Variants in GRID2IP observed in about 807,000 individuals in gnomAD.
GRID2IP encodes delphilin.
GRID2IP carries 78 observed loss-of-function variants against 114.3 expected under a neutral mutation model. The observed-to-expected ratio is 0.68, with a 90% CI of 0.57 to 0.82. GRID2IP has a LOEUF of 0.82. Ranked by LOEUF, GRID2IP falls within the 40% of genes least tolerant of loss-of-function variation. GRID2IP has a pLI of 0.00. For missense variants in GRID2IP, 1,727 were observed against 1,678.5 expected, an observed-to-expected ratio of 1.03 and a Z score of -0.51; for synonymous variants, 809 against 724.0, an observed-to-expected ratio of 1.12 and a Z score of -1.89.
chr7:6,518,224 T>C (rs1779348428), intron 7 of GRID2IP, among the ~76,000 whole-genome samples: 1 of 151,974 alleles, frequency 6.6e-6, no homozygotes, highest in Non-Finnish European at 1.5e-5. Context: ...AGTGAGACCC[T>C]GTCTCAGAAA....
At chr7:6,542,883 G>C (rs1172678666) in intron 1 of GRID2IP, among the ~76,000 whole-genome samples, 1 of 152,210 alleles carries the variant, frequency 6.6e-6, no homozygotes, top group East Asian at 1.9e-4. Context: ...GGGTCTGGTT[G>C]TCTCTGGGCA....
At chr7:6,512,664 C>G (rs954718701) in intron 8 of GRID2IP, among the ~76,000 whole-genome samples, 1 of 152,082 alleles carries the variant, frequency 6.6e-6, no homozygotes, top group Non-Finnish European at 1.5e-5. Context: ...CTGCGTACCA[C>G]CACACCTGGC....
chr7:6,531,235 G>GCCCGCAGCCCCGC (rs1014940085), intron 2 of GRID2IP: 14 of 427,622 alleles, frequency 3.3e-5, no homozygotes, highest in Non-Finnish European at 5.8e-5. Flanking sequence ...AGCCGTCCCG[G>GCCCGCAGCCCCGC]CCCGCAGCCC....
intron 2 of GRID2IP, among the ~76,000 whole-genome samples, chr7:6,530,296 C>T (rs1779593221): frequency 6.7e-6 from 1 of 150,198 alleles, no homozygotes; most frequent in African/African-American, 2.5e-5. Context: ...GAGAGAGACT[C>T]TCTGTCGCCC....
intron 20 of GRID2IP, among the ~76,000 whole-genome samples, chr7:6,499,341 C>G (rs1171705239): frequency 6.6e-6 from 1 of 152,182 alleles, no homozygotes; most frequent in African/African-American, 2.4e-5. Context: ...TGCCCATAGT[C>G]CCACAGCAGG....
rs76702541 is a variant in GRID2IP, at chr7:6,507,032, G to T, written c.2544+953C>A. ...TTGGAAAGGGTCCCTGGAGATGTGG[G>T]CTGAGAAAGCAGGAGACAGAATTGG... is the stretch of plus-strand genomic sequence containing the variant. On this transcript the variant is annotated intron_variant, in intron 13 of 21. Transcript: ENST00000457091. This position sits in a 1 kb window ranked among gnomAD's most constrained non-coding sequence, Gnocchi z 5.3. Among the ~76,000 whole-genome samples the T allele has an allele frequency of 0.023, 3,509 of 152,262 alleles. 60 individuals carry two copies. The highest frequency in any genetic ancestry group is 0.054 in the Middle Eastern group (16 of 294).
At chr7:6,513,737 G>A (rs1779229090) in intron 8 of GRID2IP, among the ~76,000 whole-genome samples, 1 of 152,172 alleles carries the variant, frequency 6.6e-6, no homozygotes, top group Non-Finnish European at 1.5e-5. Context: ...GGGTGTGTAC[G>A]TGCATGGCTG....
At chr7:6,533,601 C>A (rs1472230179) in intron 2 of GRID2IP, among the ~76,000 whole-genome samples, 2 of 151,788 alleles carry the variant, frequency 1.3e-5, no homozygotes, top group African/African-American at 4.8e-5. Context: ...TGGCCTTAAG[C>A]AATCCTTCTG....
At chr7:6,502,961 G>A (rs1786458644) in intron 17 of GRID2IP, 47 bp downstream of exon 17, 1 of 1,549,880 alleles carries the variant, frequency 6.5e-7, no homozygotes, top group Non-Finnish European at 8.7e-7. Context: ...GGAAGCCCCA[G>A]GAGGCAGAGA....
At chr7:6,524,192 C>T (rs1443848822) in intron 4 of GRID2IP, among the ~76,000 whole-genome samples, 1 of 152,194 alleles carries the variant, frequency 6.6e-6, no homozygotes, top group Non-Finnish European at 1.5e-5. Flanking sequence ...ATTTGGCTTC[C>T]TATGACAGGA....
In GRID2IP at chr7:6,508,963, C is replaced by T. The variant is rs781294209; in HGVS notation, c.2122G>A (p.Glu708Lys). 9.0e-5 allele frequency: 139 copies of T among 1,546,332 alleles called. No homozygotes were observed. Among genetic ancestry groups the T allele is most frequent in the Non-Finnish European group, 1.2e-4 (137 of 1,146,536 alleles). Reference sequence around the variant, plus strand: ...ACACCTGCTTGCGTGCCCACCTCCTCGTAGTCGTTCTCCGGGGTCAGGAAA... The same window carrying T: ...ACACCTGCTTGCGTGCCCACCTCCTTGTAGTCGTTCTCCGGGGTCAGGAAA... ...DDFLTPENDY[E>K]EMSFHDDQGS... The change falls in exon 12 of 22, where the codon GAG (glutamate) becomes AAG (lysine). Residue 708 changes from glutamate to lysine, a missense_variant. Transcript: ENST00000457091. This position sits in a 1 kb window ranked among gnomAD's most constrained non-coding sequence, Gnocchi z 5.6.
chr7:6,538,899 G>C (rs200970097), intron 2 of GRID2IP, among the ~76,000 whole-genome samples: 1 of 151,818 alleles, frequency 6.6e-6, no homozygotes, highest in Non-Finnish European at 1.5e-5. Context: ...GAAAGAAAGA[G>C]AGAAAGAGAG....
At chr7:6,547,129 TGGA>T (rs991553246) in intron 1 of GRID2IP, among the ~76,000 whole-genome samples, 1 of 152,106 alleles carries the variant, frequency 6.6e-6, no homozygotes, top group Non-Finnish European at 1.5e-5. Flanking sequence ...CACATAGAGA[TGGA>T]GGAGTCTGAA....
At position 6,520,848 on chromosome 7, in the gene GRID2IP, C is replaced by G. The variant is rs1038654377; in HGVS notation, c.1085-87G>C. ...TCCCTGGCTTTTGAGGTCAGGAGAC[C>G]TCCTGAGCTGGGGTGTGGCTGTCCA... is the stretch of plus-strand genomic sequence containing the variant. On this transcript the variant is annotated intron_variant, in intron 6 of 21. Coordinates refer to ENST00000457091, the MANE Select transcript of GRID2IP (RefSeq NM_001145118.2). This position sits in a 1 kb window ranked among gnomAD's most constrained non-coding sequence, Gnocchi z 4.6. 1 of 1,299,844 alleles carries G rather than the reference C, an allele frequency of 7.7e-7. No homozygotes were observed. Among genetic ancestry groups the G allele is most frequent in the Non-Finnish European group, 1.1e-6 (1 of 947,584 alleles). The allele number at this position is 1,299,844 out of a possible 1,614,324, so 80.5% of individuals were successfully genotyped here. A position where few individuals can be genotyped will look rare whatever the true frequency, so the allele number is the denominator to read the frequency against.
Position 6,526,745 on chromosome 7 carries a change from C to T in GRID2IP, c.609G>A (p.Arg203=), listed in dbSNP as rs1335185933. The change falls in exon 3 of 22, where the codon CGG becomes CGA. Residue 203 remains arginine, a synonymous_variant. Transcript: ENST00000457091. The surrounding 1 kb of genome is among the most constrained non-coding windows in gnomAD (Gnocchi z 7.6). ...NLRIFIPKKH[R]ARFDEVVSQG... Reference sequence around the variant, plus strand: ...GAGACACCACCTCGTCGAAGCGCGCCCGGTGCTTCTTGGGGATGAAGATCC... The same window carrying T: ...GAGACACCACCTCGTCGAAGCGCGCTCGGTGCTTCTTGGGGATGAAGATCC... The T allele has an allele frequency of 6.6e-7, 1 of 1,524,666 alleles. No individual in the cohort carries two copies. The highest frequency in any genetic ancestry group is 1.4e-5 in the African/African-American group (1 of 69,832). 94.4% of individuals were successfully genotyped at this position (1,524,666 alleles called of 1,614,324 possible). A position where few individuals can be genotyped will look rare whatever the true frequency, so the allele number is the denominator to read the frequency against.
At chr7:6,539,487 C>G (rs1430757408) in intron 2 of GRID2IP, among the ~76,000 whole-genome samples, 1 of 152,144 alleles carries the variant, frequency 6.6e-6, no homozygotes, top group African/African-American at 2.4e-5. Flanking sequence ...GCCCTTCTCC[C>G]ATCACTCAAG....
At chr7:6,525,839 G>A (rs542509740) in intron 4 of GRID2IP, among the ~76,000 whole-genome samples, 5 of 152,152 alleles carry the variant, frequency 3.3e-5, no homozygotes, top group African/African-American at 1.2e-4. Flanking sequence ...GTTGCTGGGG[G>A]CACAGCCTGG....
intron 1 of GRID2IP, among the ~76,000 whole-genome samples, chr7:6,540,687 A>ATT (rs34930808): frequency 0.3 from 27,849 of 92,170 alleles, 5,203 homozygotes; most frequent in Admixed American, 0.39. Flanking sequence ...CACCTGGCTA[A>ATT]TTTTTTTTTT....
intron 1 of GRID2IP, among the ~76,000 whole-genome samples, 169 bp from the exon 2 acceptor site, chr7:6,540,041 TTCTC>T (rs920435134): frequency 1.9e-4 from 22 of 116,718 alleles, no homozygotes; most frequent in African/African-American, 1.2e-3. Context: ...TCCTTTCTCT[TTCTC>T]TCTTCCTTCC....
Sources: gnomAD v4.1 joint callset for allele counts (sites outside exome capture counted in the v4.1 genomes callset) on GRCh38, gnomAD v4.1.1 for gene constraint, Gnocchi (gnomAD v3.1) non-coding constraint, MANE v1.5 for transcripts, NCBI Gene and HGNC (gene_info 2026-07-23, HGNC 2026-07-21) for gene names.